CCDC60: variants seen among roughly 807,000 people sequenced by gnomAD.
CCDC60 encodes coiled-coil domain containing 60, also known as coiled-coil domain-containing protein 60.
A neutral mutation model predicts 63.5 loss-of-function variants in CCDC60; 54 were observed. The observed-to-expected ratio is 0.85, with a 90% CI of 0.68 to 1.07. The LOEUF (loss-of-function observed/expected upper bound fraction) is 1.07, where lower values mean the gene tolerates loss of function less well. CCDC60 is among the 50% of genes least tolerant of loss of function. The pLI, the probability that CCDC60 is intolerant of heterozygous loss-of-function variation, is 0.00. For missense variants in CCDC60, 651 were observed against 684.3 expected (o/e 0.95, Z 0.54); for synonymous variants, 206 against 238.8 (o/e 0.86, Z 1.27).
chr12:119,389,327 C>G (rs1317664263), intron 1 of CCDC60, among the ~76,000 whole-genome samples: 1 of 152,214 alleles, frequency 6.6e-6, no homozygotes, highest in East Asian at 1.9e-4. Flanking sequence ...TGGAACACAG[C>G]CACGCCCATT....
chr12:119,540,206 G>T (rs563486081), intron 13 of CCDC60, among the ~76,000 whole-genome samples: 3 of 152,250 alleles, frequency 2.0e-5, no homozygotes, highest in Admixed American at 1.3e-4. Context: ...TTCCTTTTGT[G>T]TGTCTTAAAC....
chr12:119,535,872 TAAG>T (rs1414465606), intron 13 of CCDC60, among the ~76,000 whole-genome samples: 1 of 152,232 alleles, frequency 6.6e-6, no homozygotes, highest in Admixed American at 6.5e-5. Flanking sequence ...GATGTGGTGC[TAAG>T]AAGAATGTCT....
rs553357205 is a variant in CCDC60 at position 119,474,554 on chromosome 12, G to A, written c.341+2390G>A. On this transcript the variant is annotated intron_variant, in intron 3 of 13. Transcript: ENST00000327554. ...GCCAGATGCTGGGGGCAGGGGAAAT[G>A]GGAAGTGACCACATGGGTCTGGAGT... is the stretch of plus-strand genomic sequence containing the variant. Among the ~76,000 whole-genome samples the A allele has an allele frequency of 9.8e-5, 15 of 152,326 alleles. No homozygotes were observed. The South Asian group carries it at 3.1e-3, about 32-fold the overall frequency.
intron 11 of CCDC60, chr12:119,524,464 G>A (rs750593952): frequency 3.5e-5 from 34 of 984,302 alleles, no homozygotes; most frequent in South Asian, 1.4e-4. Context: ...ATCATAGCCC[G>A]TTGCACTCTC....
At chr12:119,405,379 T>C (rs1237307985) in intron 1 of CCDC60, among the ~76,000 whole-genome samples, 1 of 152,242 alleles carries the variant, frequency 6.6e-6, no homozygotes, top group East Asian at 1.9e-4. Flanking sequence ...TCCCCGGCTG[T>C]ATTTTCTTTT....
chr12:119,530,642 T>C (rs1455990499), intron 12 of CCDC60, among the ~76,000 whole-genome samples: 7 of 152,194 alleles, frequency 4.6e-5, no homozygotes, highest in African/African-American at 1.7e-4. Flanking sequence ...TCCCTTGAAA[T>C]CACACCTTTG....
At chr12:119,387,819 C>T (rs1956087007) in intron 1 of CCDC60, among the ~76,000 whole-genome samples, 1 of 152,090 alleles carries the variant, frequency 6.6e-6, no homozygotes, top group East Asian at 1.9e-4. Context: ...TCCCTAGGTC[C>T]CCTCTGACGC....
At chr12:119,496,197 A>G (rs948635464) in intron 5 of CCDC60, among the ~76,000 whole-genome samples, 2 of 152,206 alleles carry the variant, frequency 1.3e-5, no homozygotes, top group South Asian at 4.1e-4. Context: ...CGTCATGGAC[A>G]TATGAGCACG....
At chr12:119,341,313 T>C (rs1955530173) in intron 1 of CCDC60, among the ~76,000 whole-genome samples, 1 of 138,390 alleles carries the variant, frequency 7.2e-6, no homozygotes, top group South Asian at 2.7e-4. Context: ...AGGCTATTTG[T>C]CCCATCTGCA....
intron 7 of CCDC60, among the ~76,000 whole-genome samples, chr12:119,508,543 C>G (rs1952119022): frequency 6.6e-6 from 1 of 151,368 alleles, no homozygotes; most frequent in Non-Finnish European, 1.5e-5. Flanking sequence ...GGGAAGAGAA[C>G]AAAACAGAAT....
At chr12:119,338,390 A>G (rs945082299) in intron 1 of CCDC60, among the ~76,000 whole-genome samples, 1 of 151,746 alleles carries the variant, frequency 6.6e-6, no homozygotes, top group Admixed American at 6.6e-5. Context: ...AACTCAAAAA[A>G]CTCTTAAGTG....
chr12:119,484,676 G>A (rs1951396548), intron 4 of CCDC60, among the ~76,000 whole-genome samples: 4 of 151,844 alleles, frequency 2.6e-5, no homozygotes, highest in Admixed American at 6.6e-5. Flanking sequence ...TCACGCCACC[G>A]CACTCCATCC....
chr12:119,398,069 A>G lies in CCDC60; in HGVS notation c.91-30614A>G, dbSNP rs1157592642. 4.0e-3 allele frequency among the ~76,000 whole-genome samples: 82 copies of G among 20,548 alleles called. 1 individual carries two copies. The highest frequency in any genetic ancestry group is 9.0e-3 in the African/African-American group (39 of 4,354). The allele number at this position is 20,548 out of a possible 152,430, so 13.5% of individuals were successfully genotyped here. ...GGGGGGGGAGGAAGGGGGTGGGGGG[A>G]GAGGAAGGGGCCGCGGGGGGAGGAA... is the stretch of plus-strand genomic sequence containing the variant. On this transcript the variant is annotated intron_variant, in intron 1 of 13. Transcript: ENST00000327554.
chr12:119,433,294 C>T, intron 2 of CCDC60: 1 of 650,052 alleles, frequency 1.5e-6, no homozygotes, highest in Non-Finnish European at 2.8e-6. Flanking sequence ...AGTTGTTCTG[C>T]CACTCTTCAG....
Position 119,377,233 on chromosome 12 carries a change from C to T in CCDC60, c.90+41967C>T, listed in dbSNP as rs560075249. ...TCGTGCAACTGCACTCCTGTCTGGG[C>T]GACAGAGCAACACTCCATCTCAAAA... is the stretch of plus-strand genomic sequence containing the variant. On this transcript the variant is annotated intron_variant, in intron 1 of 13. Transcript: ENST00000327554. 1.6e-3 allele frequency among the ~76,000 whole-genome samples: 196 copies of T among 119,240 alleles called. No homozygotes were observed. In the Admixed American group the frequency reaches 0.02, roughly 12 times the overall value. 78.2% of individuals were successfully genotyped at this position (119,240 alleles called of 152,430 possible). A position where few individuals can be genotyped will look rare whatever the true frequency, so the allele number is the denominator to read the frequency against.
intron 2 of CCDC60, among the ~76,000 whole-genome samples, chr12:119,445,698 G>A (rs35408336): frequency 1.3e-5 from 2 of 152,098 alleles, no homozygotes; most frequent in African/African-American, 4.8e-5. Context: ...TTAAGCTTTA[G>A]AAATTATTCA....
intron 1 of CCDC60, among the ~76,000 whole-genome samples, chr12:119,413,456 T>A (rs1447699384): frequency 1.3e-5 from 2 of 152,190 alleles, no homozygotes; most frequent in African/African-American, 2.4e-5. Flanking sequence ...GGGGGAACAT[T>A]TTCGTGATCT....
intron 2 of CCDC60, among the ~76,000 whole-genome samples, chr12:119,457,178 G>A (rs1855496215): frequency 6.6e-6 from 1 of 152,190 alleles, no homozygotes; most frequent in Admixed American, 6.5e-5. Context: ...GTGCATGTGT[G>A]CACTTTGCTC....
chr12:119,402,160 AT>A (rs1956403823), intron 1 of CCDC60, among the ~76,000 whole-genome samples: 1 of 152,180 alleles, frequency 6.6e-6, no homozygotes, highest in South Asian at 2.1e-4. Flanking sequence ...TTGATTCTCC[AT>A]CACAAGCCTA....
Sources: allele counts gnomAD v4.1 joint callset (sites outside exome capture counted in the v4.1 genomes callset), GRCh38; gene constraint gnomAD v4.1.1; transcripts MANE v1.5; gene names NCBI Gene and HGNC (gene_info 2026-07-23, HGNC 2026-07-21).